Variants in LZTR1 observed in about 807,000 individuals in gnomAD.
LZTR1 encodes leucine zipper like post translational regulator 1, also known as leucine-zipper-like transcriptional regulator 1.
Under a neutral mutation model 105.7 loss-of-function variants are expected in LZTR1, and 260 were observed. The observed-to-expected ratio is 2.46, with a 90% CI of 2.22 to 2.72. LZTR1 has a LOEUF of 2.72. LZTR1 is among the 30% of genes most tolerant of loss of function. The probability of loss-of-function intolerance (pLI) is 0.00; values close to 1 mark genes in which losing one functional copy is unlikely to be tolerated. For synonymous variants in LZTR1, 490 were observed against 476.4 expected, an observed-to-expected ratio of 1.03 and a Z score of -0.37; for missense variants, 1,214 against 1,166.9, an observed-to-expected ratio of 1.04 and a Z score of -0.59.
rs772226479 is a variant in LZTR1 at position 20,995,811 on chromosome 22, ACT to A, written c.2011_2012del (p.Leu671ValfsTer3). 9 of 1,612,494 alleles carry A rather than the reference ACT, an allele frequency of 5.6e-6. No individual in the cohort carries two copies. The highest frequency in any genetic ancestry group is 7.6e-6 in the Non-Finnish European group (9 of 1,179,758). Reference sequence around the variant, plus strand: ...AGCGGGCGCGGAATTCTGTGACATCACTCTGTTGCTTGACGGGCACCCACGGC... The same window carrying A: ...AGCGGGCGCGGAATTCTGTGACATCACTGTTGCTTGACGGGCACCCACGGC... Reference protein sequence around the residue: ...EGAGAEFCDITLLLDGHPRPA... With the variant: ...EGAGAEFCDIXLLLDGHPRPA... On this transcript the variant is annotated frameshift_variant, in exon 17 of 21. Coordinates refer to ENST00000646124, the MANE Select transcript of LZTR1 (RefSeq NM_006767.4). LOFTEE classifies it high-confidence loss of function.
At chr22:20,984,900 T>C (rs912775706) in intron 2 of LZTR1, among the ~76,000 whole-genome samples, 6 of 152,184 alleles carry the variant, frequency 3.9e-5, no homozygotes, top group Non-Finnish European at 8.8e-5. Context: ...TGAATTTGTT[T>C]TCTATTTGAT....
At chr22:20,994,343 G>A (rs1026231711) in intron 14 of LZTR1, 74 bp downstream of exon 14, 3 of 1,502,746 alleles carry the variant, frequency 2.0e-6, no homozygotes. Flanking sequence ...GGTGGGTGCT[G>A]CCAGCCCTGC....
Position 20,995,786 on chromosome 22 carries a change from A to G in LZTR1, c.1983A>G (p.Gly661=). 2 of 1,613,454 alleles carry G rather than the reference A, an allele frequency of 1.2e-6. No homozygotes were observed. The highest frequency in any genetic ancestry group is 1.7e-6 in the Non-Finnish European group (2 of 1,179,972). Residue 661 remains glycine (G), a synonymous_variant, in exon 17 of 21, where the codon GGA becomes GGG. Coordinates refer to ENST00000646124, the MANE Select transcript of LZTR1 (RefSeq NM_006767.4). ...AGGACATGAAGGCATACCTGGAGGGAGCGGGCGCGGAATTCTGTGACATCA... is the reference window on the plus strand; with the variant it reads ...AGGACATGAAGGCATACCTGGAGGGGGCGGGCGCGGAATTCTGTGACATCA... ...LIQDMKAYLE[G]AGAEFCDITL... is the part of the protein sequence containing the mutation.
At chr22:20,995,498 T>C (rs1193393057) in intron 16 of LZTR1, 1 of 679,598 alleles carries the variant, frequency 1.5e-6, no homozygotes, top group South Asian at 1.5e-5. Flanking sequence ...AGCGAGGGGG[T>C]ACAGCAAGCT....
Position 20,992,777 on chromosome 22 carries a change from G to A in LZTR1, c.1150-17G>A, listed in dbSNP as rs759676730. On this transcript the variant is annotated splice_polypyrimidine_tract_variant and intron_variant, in intron 10 of 20. Transcript: ENST00000646124. Reference sequence around the variant, plus strand: ...CTCTGCTCCCCCACCATTCCACCCTGCCTTCTTGTCCCCCAGCTGCCCAGT... The same window carrying A: ...CTCTGCTCCCCCACCATTCCACCCTACCTTCTTGTCCCCCAGCTGCCCAGT... The A allele has an allele frequency of 1.1e-5, 16 of 1,511,226 alleles. No homozygotes were observed. Among genetic ancestry groups the A allele is most frequent in the South Asian group, 9.5e-5 (8 of 84,634 alleles). 93.6% of individuals were successfully genotyped at this position (1,511,226 alleles called of 1,614,324 possible). A position where few individuals can be genotyped will look rare whatever the true frequency, so the allele number is the denominator to read the frequency against.
chr22:20,993,883 A>T, intron 12 of LZTR1, 41 bp from the exon 13 acceptor site: 1 of 1,589,086 alleles, frequency 6.3e-7, no homozygotes, highest in South Asian at 1.1e-5. Context: ...CTCTGGGGCG[A>T]GGGTCCTGTG....
chr22:20,993,957 G>T lies in LZTR1; in HGVS notation c.1387G>T (p.Val463Phe). Residue 463 changes from valine (V) to phenylalanine (F), a missense_variant, in exon 13 of 21, where the codon GTC becomes TTC. Val to Phe is a conservative substitution (Grantham distance 50). Coordinates refer to ENST00000646124, the MANE Select transcript of LZTR1 (RefSeq NM_006767.4). ...EECVQGHVAI[V>F]TARSRWLRRK... Reference sequence around the variant, plus strand: ...GTGCGTGCAGGGCCACGTAGCCATTGTCACAGCGCGGAGCCGCTGGCTTCG... The same window carrying T: ...GTGCGTGCAGGGCCACGTAGCCATTTTCACAGCGCGGAGCCGCTGGCTTCG... The T allele has an allele frequency of 6.2e-7, 1 of 1,612,774 alleles. No individual in the cohort carries two copies. The highest frequency in any genetic ancestry group is 8.5e-7 in the Non-Finnish European group (1 of 1,179,928).
chr22:20,994,216 T>G lies in LZTR1; in HGVS notation c.1562T>G (p.Phe521Cys). 6.2e-7 allele frequency: 1 copy of G among 1,601,414 alleles called. No homozygotes were observed. Among genetic ancestry groups the G allele is most frequent in the Non-Finnish European group, 8.5e-7 (1 of 1,179,336 alleles). ...VAIREAEARPFEVLMQFLYTD... is the reference protein window; with the variant it reads ...VAIREAEARPCEVLMQFLYTD... ...ATCCGGGAGGCCGAGGCCCGGCCCT[T>G]CGAGGTGCTCATGCAGTTCCTCTAC... Residue 521 changes from phenylalanine to cysteine, a missense_variant, in exon 14 of 21, where the codon TTC (phenylalanine) becomes TGC (cysteine). Transcript: ENST00000646124.
At position 20,994,108 on chromosome 22, in the gene LZTR1, T is replaced by G. The variant is rs1569156993; in HGVS notation, c.1454T>G (p.Leu485Arg). 2 of 1,579,296 alleles carry G rather than the reference T, an allele frequency of 1.3e-6. No individual in the cohort carries two copies. Among genetic ancestry groups the G allele is most frequent in the South Asian group, 2.3e-5 (2 of 88,032 alleles). ...TQARERLAQK[L>R]EQEAAPVPRE... ...TGAGCTCCCTTCTCCCCACAGAAGC[T>G]GGAGCAGGAGGCCGCCCCAGTTCCC... is the stretch of plus-strand genomic sequence containing the variant. Residue 485 changes from leucine to arginine, a missense_variant, in exon 14 of 21, where the codon CTG becomes CGG. Coordinates refer to ENST00000646124, the MANE Select transcript of LZTR1 (RefSeq NM_006767.4).
chr22:20,989,364 AGTGAGGAGCTGGCACTGCCACACT>A (rs1924513497), intron 6 of LZTR1, among the ~76,000 whole-genome samples: 1 of 152,204 alleles, frequency 6.6e-6, no homozygotes, highest in African/African-American at 2.4e-5. Flanking sequence ...AGGGACACTG[AGTGAGGAGCTGGCACTGCCACACT>A]GCCCTGATGT....
Position 20,988,776 on chromosome 22 carries a change from C to G in LZTR1, c.510-13C>G. The G allele has an allele frequency of 6.2e-7, 1 of 1,610,064 alleles. No homozygotes were observed. Among genetic ancestry groups the G allele is most frequent in the Non-Finnish European group, 8.5e-7 (1 of 1,176,434 alleles). ...GGCGGCCTCACTCCCTCCCCTCTTC[C>G]CTCACACTCCAGGTTGCCAGTCGCT... On this transcript the variant is annotated splice_polypyrimidine_tract_variant and intron_variant, in intron 5 of 20. Transcript: ENST00000646124.
chr22:20,985,983 T>G, intron 3 of LZTR1, 86 bp downstream of exon 3: 2 of 1,385,946 alleles, frequency 1.4e-6, no homozygotes, highest in Non-Finnish European at 2.0e-6. Flanking sequence ...GCAGAGTCTC[T>G]CTCATCATGG....
chr22:20,982,395 GGGGCA>G lies in LZTR1; in HGVS notation c.26_30del (p.Gly9AspfsTer23), dbSNP rs1275828590. The stretch of plus-strand genomic sequence containing the variant: ...GGATGGCTGGACCGGGCAGCACGGG[GGGGCA>G]GATCGGGGCTGCGGCCCTGGCAGGC... On this transcript the variant is annotated frameshift_variant, in exon 1 of 21. Transcript: ENST00000646124. LOFTEE classifies it high-confidence loss of function. 6.4e-7 allele frequency: 1 copy of G among 1,559,918 alleles called. No individual in the cohort carries two copies. The highest frequency in any genetic ancestry group is 8.7e-7 in the Non-Finnish European group (1 of 1,151,622).
chr22:20,987,606 G>A (rs2147961556), intron 4 of LZTR1, 23 bp downstream of exon 4: 1 of 1,610,638 alleles, frequency 6.2e-7, no homozygotes, highest in South Asian at 1.1e-5. Flanking sequence ...TTGCCTCCCA[G>A]GGGCTGTGTC....
In LZTR1 at chr22:20,996,786, G is replaced by A. The variant is rs1226268646; in HGVS notation, c.2310G>A (p.Val770=). The change falls in exon 19 of 21, where the codon GTG becomes GTA. Residue 770 remains valine (V), a synonymous_variant. Coordinates refer to ENST00000646124, the MANE Select transcript of LZTR1 (RefSeq NM_006767.4). ...AGAACCTGGAGATGAACGTGACGGT[G>A]CAGAACGTGCTGCAGGTAGCCCCCC... The part of the protein sequence containing the change: ...CKQNLEMNVT[V]QNVLQILEAA... 6.2e-7 allele frequency: 1 copy of A among 1,613,566 alleles called. No homozygotes were observed. The highest frequency in any genetic ancestry group is 2.2e-5 in the East Asian group (1 of 44,892).
At chr22:20,993,577 TG>T in intron 11 of LZTR1, 84 bp from the exon 12 acceptor site, 1 of 1,148,872 alleles carries the variant, frequency 8.7e-7, no homozygotes, top group Non-Finnish European at 1.3e-6. Context: ...ATGGGCCAGG[TG>T]GGGACCTCAG....
At position 20,982,974 on chromosome 22, in the gene LZTR1, G is replaced by A. The variant is rs571633846; in HGVS notation, c.201-53G>A. ...CTCTCCTGCTTAGTCCCATTCCTTGGGTGCCCCCCAGGAGGGTCCTGTCCT... is the reference window on the plus strand; with the variant it reads ...CTCTCCTGCTTAGTCCCATTCCTTGAGTGCCCCCCAGGAGGGTCCTGTCCT... On this transcript the variant is annotated intron_variant, in intron 1 of 20. Transcript: ENST00000646124. 277 of 1,517,424 alleles carry A rather than the reference G, an allele frequency of 1.8e-4. 1 individual carries two copies. In the African/African-American group the frequency reaches 3.2e-3, roughly 18 times the overall value. 94.0% of individuals were successfully genotyped at this position (1,517,424 alleles called of 1,614,324 possible).
rs1305157592 is a variant in LZTR1 at position 20,997,933 on chromosome 22, C to G, written c.*585C>G. The stretch of plus-strand genomic sequence containing the variant: ...TGAGGTGAATTTTGGAGTGAAGGGC[C>G]CTGAGGTCAGCTCCCAGGTCGGTCG... On this transcript the variant is annotated 3_prime_UTR_variant, in exon 21 of 21. Coordinates refer to ENST00000646124, the MANE Select transcript of LZTR1 (RefSeq NM_006767.4). 6.6e-6 allele frequency: 1 copy of G among 152,470 alleles called. No homozygotes were observed. Among genetic ancestry groups the G allele is most frequent in the Non-Finnish European group, 1.5e-5 (1 of 68,290 alleles). The allele number at this position is 152,470 out of a possible 1,614,324, so 9.4% of individuals were successfully genotyped here. A position where few individuals can be genotyped will look rare whatever the true frequency, so the allele number is the denominator to read the frequency against.
chr22:20,985,835 T>C lies in LZTR1; in HGVS notation c.264-6T>C, dbSNP rs2147959742. The C allele has an allele frequency of 3.1e-6, 5 of 1,614,040 alleles. No homozygotes were observed. Among genetic ancestry groups the C allele is most frequent in the Non-Finnish European group, 4.2e-6 (5 of 1,179,954 alleles). On this transcript the variant is annotated splice_polypyrimidine_tract_variant and splice_region_variant and intron_variant, in intron 2 of 20. Transcript: ENST00000646124. ...AATGCCACCCTCTCTTCCGGCTGCC[T>C]TTCAGGAAGACCATGCTCAATGACC...
Sources: gnomAD v4.1 joint callset for allele counts (sites outside exome capture counted in the v4.1 genomes callset) on GRCh38, gnomAD v4.1.1 for gene constraint, MANE v1.5 for transcripts, NCBI Gene and HGNC (gene_info 2026-07-23, HGNC 2026-07-21) for gene names.